HOXC5: variants seen among roughly 807,000 people sequenced by gnomAD.
HOXC5 encodes homeobox protein Hox-C5.
In HOXC5, 19 loss-of-function variants were observed where a neutral mutation model predicts 20.1. That is an observed-to-expected ratio of 0.94 (90% CI 0.66 to 1.38). The LOEUF (loss-of-function observed/expected upper bound fraction) is 1.38. Ranked by LOEUF, HOXC5 falls within the 40% of genes most tolerant of loss-of-function variation. The pLI is 0.00. For synonymous variants in HOXC5, 124 were observed against 117.0 expected, an observed-to-expected ratio of 1.06 and a Z score of -0.39; for missense variants, 330 against 300.1, an observed-to-expected ratio of 1.10 and a Z score of -0.74.
At chr12:54,033,010 A>G, upstream of HOXC5, 1 of 782,332 alleles carries the variant, frequency 1.3e-6, no homozygotes. Flanking sequence ...AGAAAGAGAT[A>G]TCTCCACCTA....
At chr12:54,019,361 G>A in the HOXC5 span, among the ~76,000 whole-genome samples, 1 of 152,188 alleles carries the variant, frequency 6.6e-6, no homozygotes, top group African/African-American at 2.4e-5. Context: ...GATGCCCCGC[G>A]GATCCAGCCT....
upstream of HOXC5, chr12:54,028,800 A>G (rs111518456): frequency 2.0e-4 from 322 of 1,614,152 alleles, no homozygotes; most frequent in African/African-American, 3.7e-3. Flanking sequence ...ACACCTTAGG[A>G]CATAACACAC....
chr12:54,019,547 C>T, the HOXC5 span, among the ~76,000 whole-genome samples: 1 of 152,194 alleles, frequency 6.6e-6, no homozygotes, highest in East Asian at 1.9e-4. Context: ...TCCGCCCCCG[C>T]CCCTGTGGAT....
the HOXC5 span, among the ~76,000 whole-genome samples, chr12:54,024,192 G>T: frequency 1.3e-5 from 2 of 152,280 alleles, no homozygotes; most frequent in African/African-American, 4.8e-5. Flanking sequence ...CACAAAAGGG[G>T]CCAGCGGGGC....
chr12:54,028,583 TC>T (rs1940836871), upstream of HOXC5: 1 of 1,614,080 alleles, frequency 6.2e-7, no homozygotes. Context: ...CAGGACGTCC[TC>T]CCCAACGTCG....
upstream of HOXC5, chr12:54,028,917 C>T (rs774503554): frequency 1.9e-6 from 3 of 1,608,094 alleles, no homozygotes; most frequent in South Asian, 2.2e-5. Context: ...TGAATTCGCA[C>T]AGTGGTGAGT....
upstream of HOXC5, chr12:54,029,020 A>C: frequency 8.5e-7 from 1 of 1,173,402 alleles, no homozygotes; most frequent in Non-Finnish European, 1.2e-6. Context: ...TTATGGCCCC[A>C]TAAAAACAAT....
At chr12:54,028,719 C>A (rs1434692374), upstream of HOXC5, 1 of 1,614,124 alleles carries the variant, frequency 6.2e-7, no homozygotes, top group East Asian at 2.2e-5. Context: ...TCAGTTCCAG[C>A]CGGGGGCCGT....
chr12:54,028,833 T>G (rs1565741448), upstream of HOXC5: 1 of 1,614,150 alleles, frequency 6.2e-7, no homozygotes, highest in East Asian at 2.2e-5. Flanking sequence ...CTCAGGATTT[T>G]AGTTCTGAGC....
intron 1 of HOXC5, chr12:54,033,877 C>G (rs1232067750): frequency 6.0e-6 from 3 of 500,894 alleles, no homozygotes; most frequent in Admixed American, 3.7e-5. Flanking sequence ...CGGGGATCCC[C>G]CCGCGGCTCC....
the HOXC5 span, among the ~76,000 whole-genome samples, chr12:54,027,134 T>C: frequency 6.6e-6 from 1 of 152,254 alleles, no homozygotes. Context: ...CTACTGCGGC[T>C]CCCTCACAAG....
chr12:54,024,005 G>A, the HOXC5 span, among the ~76,000 whole-genome samples: 6 of 152,204 alleles, frequency 3.9e-5, no homozygotes, highest in African/African-American at 1.4e-4. Context: ...GGCATTTGGA[G>A]TAGAATTTAT....
upstream of HOXC5, chr12:54,028,491 A>G: frequency 6.3e-7 from 1 of 1,597,044 alleles, no homozygotes; most frequent in South Asian, 1.1e-5. Context: ...ATATTAAAGA[A>G]ATCATAGACC....
upstream of HOXC5, chr12:54,029,755 G>A (rs375750909): frequency 1.2e-4 from 200 of 1,614,044 alleles, no homozygotes; most frequent in Non-Finnish European, 1.6e-4. Context: ...GCTACCTAAC[G>A]CGGCGCCGGC....
chr12:54,034,517 C>A lies in HOXC5; in HGVS notation c.*25C>A, dbSNP rs753862316. ...GAGGCAGCGGGGGAGGCCCGCAGAG[C>A]GCGCCCCTAGCCGGTTCCTGTCCCT... On this transcript the variant is annotated 3_prime_UTR_variant, in exon 2 of 2. Coordinates refer to ENST00000312492, the MANE Select transcript of HOXC5 (RefSeq NM_018953.4). 2 of 1,590,734 alleles carry A rather than the reference C, an allele frequency of 1.3e-6. No homozygotes were observed. Among genetic ancestry groups the A allele is most frequent in the East Asian group, 2.2e-5 (1 of 44,786 alleles).
upstream of HOXC5, among the ~76,000 whole-genome samples, chr12:54,032,578 G>A (rs1167754837): frequency 1.3e-5 from 2 of 152,172 alleles, no homozygotes. Flanking sequence ...ATTACAAAAA[G>A]CACTCTGTGC....
At chr12:54,023,206 A>G in the HOXC5 span, among the ~76,000 whole-genome samples, 2 of 152,182 alleles carry the variant, frequency 1.3e-5, no homozygotes, top group Non-Finnish European at 2.9e-5. Context: ...AAAGCCAGAA[A>G]TGATTTTTTC....
In HOXC5 at chr12:54,033,254, C is replaced by T. The variant is rs151147734; in HGVS notation, c.132C>T (p.Asp44=). 4.2e-5 allele frequency: 67 copies of T among 1,614,198 alleles called. No individual in the cohort carries two copies. In the African/African-American group the frequency reaches 8.3e-4, roughly 20 times the overall value. Residue 44 remains aspartate (D), a synonymous_variant, in exon 1 of 2, where the codon GAC becomes GAT. Coordinates refer to ENST00000312492, the MANE Select transcript of HOXC5 (RefSeq NM_018953.4). ...CCAGGTACTGCTACGGCGGATTGGACTTAAGCATCACTTTCCCACCGCCTG... is the reference window on the plus strand; with the variant it reads ...CCAGGTACTGCTACGGCGGATTGGATTTAAGCATCACTTTCCCACCGCCTG... ...QASRYCYGGL[D]LSITFPPPAP... is the part of the protein sequence containing the mutation.
chr12:54,027,448 G>A, the HOXC5 span, among the ~76,000 whole-genome samples: 2 of 152,150 alleles, frequency 1.3e-5, no homozygotes, highest in African/African-American at 4.8e-5. Context: ...CTTTCTGGCT[G>A]GATCCTATGT....
Sources: allele counts gnomAD v4.1 joint callset (sites outside exome capture counted in the v4.1 genomes callset), GRCh38; gene constraint gnomAD v4.1.1; transcripts MANE v1.5; gene names NCBI Gene and HGNC (gene_info 2026-07-23, HGNC 2026-07-21).